The following ITPRID1 variants were observed in gnomAD, a reference collection of about 807,000 sequenced individuals.
ITPRID1 encodes ITPR interacting domain containing 1.
A neutral mutation model predicts 95.4 loss-of-function variants in ITPRID1; 96 were observed. The observed-to-expected ratio is 1.01, with a 90% CI of 0.85 to 1.19. The LOEUF is 1.19. Ranked by LOEUF, ITPRID1 falls within the 50% of genes most tolerant of loss-of-function variation. ITPRID1 has a pLI of 0.00. For synonymous variants in ITPRID1, 510 were observed against 453.6 expected (o/e 1.12, Z -1.58); for missense variants, 1,339 against 1,252.9 (o/e 1.07, Z -1.04).
chr7:31,531,053 C>G (rs1056897829), intron 1 of ITPRID1, among the ~76,000 whole-genome samples: 1 of 152,214 alleles, frequency 6.6e-6, no homozygotes, highest in Non-Finnish European at 1.5e-5. Context: ...GGCTGGTCAT[C>G]TCCCAGAGCA....
At chr7:31,617,157 C>CAAT (rs1787323467) in intron 10 of ITPRID1, among the ~76,000 whole-genome samples, 1 of 152,118 alleles carries the variant, frequency 6.6e-6, no homozygotes, top group Non-Finnish European at 1.5e-5. Flanking sequence ...GAAGCATTTG[C>CAAT]CATCTTTCAG....
chr7:31,575,111 A>G (rs1159589620), intron 8 of ITPRID1, among the ~76,000 whole-genome samples: 1 of 152,190 alleles, frequency 6.6e-6, no homozygotes, highest in African/African-American at 2.4e-5. Context: ...AATAAGTCAC[A>G]TGGCCACACC....
At position 31,654,000 on chromosome 7, in the gene ITPRID1, T is replaced by C. The variant is rs1791160600; in HGVS notation, c.*1171T>C. On this transcript the variant is annotated 3_prime_UTR_variant, in exon 15 of 15. Coordinates refer to ENST00000615280, the MANE Select transcript of ITPRID1 (RefSeq NM_001257967.3). ...ACTATTCTAGTGCTGGAGACAGCCA[T>C]AAATAAGACAGATGGACTTTCTACT... Among the ~76,000 whole-genome samples the C allele has an allele frequency of 7.9e-6, 1 of 127,184 alleles. No individual in the cohort carries two copies. Among genetic ancestry groups the C allele is most frequent in the Admixed American group, 8.9e-5 (1 of 11,176 alleles). 83.4% of individuals were successfully genotyped at this position (127,184 alleles called of 152,430 possible).
chr7:31,652,935 C>A lies in ITPRID1; in HGVS notation c.*106C>A. 1 of 1,513,322 alleles carries A rather than the reference C, an allele frequency of 6.6e-7. No individual in the cohort carries two copies. The highest frequency in any genetic ancestry group is 1.3e-5 in the South Asian group (1 of 74,732). The allele number at this position is 1,513,322 out of a possible 1,614,324, so 93.7% of individuals were successfully genotyped here. A position where few individuals can be genotyped will look rare whatever the true frequency, so the allele number is the denominator to read the frequency against. On this transcript the variant is annotated 3_prime_UTR_variant, in exon 15 of 15. Transcript: ENST00000615280. ...GGAGAAGGGTCTGCCAACCCATTGT[C>A]AGCTATATCTCTCATATTCTACCCT...
At chr7:31,543,022 G>T (rs1783981170) in intron 1 of ITPRID1, among the ~76,000 whole-genome samples, 1 of 152,018 alleles carries the variant, frequency 6.6e-6, no homozygotes, top group Non-Finnish European at 1.5e-5. Flanking sequence ...CAGACAACCA[G>T]AAAAATATCC....
intron 5 of ITPRID1, among the ~76,000 whole-genome samples, chr7:31,558,186 A>G (rs2128138630): frequency 6.6e-6 from 1 of 152,328 alleles, no homozygotes; most frequent in East Asian, 1.9e-4. Context: ...CACAGCAAGA[A>G]GGCCCTCACC....
intron 10 of ITPRID1, among the ~76,000 whole-genome samples, chr7:31,634,489 CAGAG>C (rs1286840317): frequency 6.6e-6 from 1 of 152,068 alleles, no homozygotes; most frequent in Non-Finnish European, 1.5e-5. Context: ...GGGACAGACT[CAGAG>C]AGAGTAAGAG....
At chr7:31,552,461 T>A (rs1218583249) in intron 2 of ITPRID1, among the ~76,000 whole-genome samples, 1 of 152,194 alleles carries the variant, frequency 6.6e-6, no homozygotes, top group Non-Finnish European at 1.5e-5. Flanking sequence ...AGTATTCCAC[T>A]GAGGTTAACA....
At chr7:31,648,325 TAAGAAA>T (rs989997395) in intron 12 of ITPRID1, among the ~76,000 whole-genome samples, 5 of 151,512 alleles carry the variant, frequency 3.3e-5, no homozygotes, top group African/African-American at 9.7e-5. Flanking sequence ...CTTTATATTG[TAAGAAA>T]AAGAAGAAGA....
Position 31,553,031 on chromosome 7 carries a change from G to A in ITPRID1, c.7G>A (p.Ala3Thr), listed in dbSNP as rs1784333710. The change falls in exon 3 of 15, where the codon GCA becomes ACA. Residue 3 changes from alanine to threonine, a missense_variant. Ala to Thr is a moderately conservative substitution (Grantham distance 58, BLOSUM62 0). Transcript: ENST00000615280. ...TTTGCAGAATTACTCTCCTATGATGGCACAGAAATCACAAGGATCTGACAA... is the reference window on the plus strand; with the variant it reads ...TTTGCAGAATTACTCTCCTATGATGACACAGAAATCACAAGGATCTGACAA... MM[A>T]QKSQGSDNLQ... 1 of 1,608,982 alleles carries A rather than the reference G, an allele frequency of 6.2e-7. No individual in the cohort carries two copies. The highest frequency in any genetic ancestry group is 8.5e-7 in the Non-Finnish European group (1 of 1,177,594).
chr7:31,598,295 CAG>C (rs1307268506), intron 10 of ITPRID1, among the ~76,000 whole-genome samples: 2 of 149,408 alleles, frequency 1.3e-5, no homozygotes, highest in Non-Finnish European at 3.0e-5. Flanking sequence ...TCATCAAAGA[CAG>C]AATAAAGTTC....
intron 12 of ITPRID1, among the ~76,000 whole-genome samples, chr7:31,645,214 G>C (rs1240294133): frequency 1.3e-5 from 2 of 152,144 alleles, no homozygotes; most frequent in Non-Finnish European, 2.9e-5. Flanking sequence ...CTAAATCTAT[G>C]TAAGTGTAGA....
At chr7:31,589,772 C>T (rs984626025) in intron 10 of ITPRID1, among the ~76,000 whole-genome samples, 1 of 152,106 alleles carries the variant, frequency 6.6e-6, no homozygotes, top group Non-Finnish European at 1.5e-5. Flanking sequence ...TCATCACCAG[C>T]ACCCATGTAC....
At chr7:31,602,812 T>G (rs1220927542) in intron 10 of ITPRID1, among the ~76,000 whole-genome samples, 1 of 152,038 alleles carries the variant, frequency 6.6e-6, no homozygotes, top group Non-Finnish European at 1.5e-5. Flanking sequence ...CTCTTTCTCT[T>G]TTTTGCCTTT....
intron 9 of ITPRID1, among the ~76,000 whole-genome samples, chr7:31,579,024 T>C (rs1224223412): frequency 3.3e-5 from 5 of 152,194 alleles, no homozygotes; most frequent in African/African-American, 1.2e-4. Flanking sequence ...GATGTTAGTG[T>C]GATTTTTATT....
At chr7:31,571,582 G>C (rs1784989915) in intron 6 of ITPRID1, among the ~76,000 whole-genome samples, 1 of 152,182 alleles carries the variant, frequency 6.6e-6, no homozygotes, top group Admixed American at 6.5e-5. Context: ...CTATTGGATA[G>C]TGATGTTCAT....
chr7:31,642,340 T>C, intron 11 of ITPRID1, 82 bp downstream of exon 11: 1 of 928,908 alleles, frequency 1.1e-6, no homozygotes, highest in Non-Finnish European at 1.6e-6. Context: ...CACCCAAACC[T>C]CACTCACAGC....
intron 10 of ITPRID1, among the ~76,000 whole-genome samples, chr7:31,637,154 G>A (rs910263417): frequency 6.6e-6 from 1 of 151,806 alleles, no homozygotes; most frequent in African/African-American, 2.4e-5. Flanking sequence ...CATTTGGGTT[G>A]GTTCCAAGTC....
intron 10 of ITPRID1, among the ~76,000 whole-genome samples, chr7:31,616,291 T>A (rs1475542993): frequency 2.4e-4 from 36 of 152,212 alleles, no homozygotes; most frequent in African/African-American, 8.2e-4. Context: ...AAAATTATTG[T>A]ATTTATGGTT....
Sources: gnomAD v4.1 joint callset for allele counts (sites outside exome capture counted in the v4.1 genomes callset) on GRCh38, gnomAD v4.1.1 for gene constraint, MANE v1.5 for transcripts, NCBI Gene and HGNC (gene_info 2026-07-23, HGNC 2026-07-21) for gene names.